Variants in CRCP observed in about 807,000 individuals in gnomAD.
CRCP encodes the protein CGRP receptor component.
CRCP carries 18 observed loss-of-function variants against 18.5 expected under a neutral mutation model. The ratio of observed to expected loss-of-function variants is 0.97; its 90% confidence interval spans 0.67 to 1.44. The LOEUF (loss-of-function observed/expected upper bound fraction) is 1.44. CRCP is among the 40% of genes most tolerant of loss of function. The pLI, the probability that CRCP is intolerant of heterozygous loss-of-function variation, is 0.00. For synonymous variants in CRCP, 53 were observed against 62.9 expected, an observed-to-expected ratio of 0.84 and a Z score of 0.75; for missense variants, 130 against 176.4, an observed-to-expected ratio of 0.74 and a Z score of 1.49.
At chr7:66,119,398 G>A (rs936121473) in intron 1 of CRCP, among the ~76,000 whole-genome samples, 1 of 152,148 alleles carries the variant, frequency 6.6e-6, no homozygotes, top group African/African-American at 2.4e-5. Context: ...TGTTTTGTGA[G>A]CCATTCTAGC....
intron 4 of CRCP, among the ~76,000 whole-genome samples, chr7:66,144,789 TGTTA>T (rs1788244324): frequency 6.6e-6 from 1 of 152,212 alleles, no homozygotes; most frequent in Non-Finnish European, 1.5e-5. Context: ...AAGGTGATTT[TGTTA>T]GTTGGTACTT....
At chr7:66,124,260 T>G (rs1787549805) in intron 1 of CRCP, among the ~76,000 whole-genome samples, 1 of 149,844 alleles carries the variant, frequency 6.7e-6, no homozygotes, top group African/African-American at 2.5e-5. Flanking sequence ...CTTGGGAGGC[T>G]GAGGCAGGAG....
rs1241745706 is a variant in CRCP, at chr7:66,145,453, C to A, written c.250C>A (p.Leu84Ile). Reference sequence around the variant, plus strand: ...ACTTTCCCTCCACAGAGCTGAGAAGCTCCAGCTGCTGAACCACCGGCCTGT... The same window carrying A: ...ACTTTCCCTCCACAGAGCTGAGAAGATCCAGCTGCTGAACCACCGGCCTGT... Reference protein sequence around the residue: ...KSHKLTKAEKLQLLNHRPVTA... With the variant: ...KSHKLTKAEKIQLLNHRPVTA... Residue 84 changes from leucine to isoleucine, a missense_variant, in exon 5 of 6, where the codon CTC (leucine) becomes ATC (isoleucine). By Grantham distance (5) the Leu-to-Ile change is conservative. Transcript: ENST00000395326. 1 of 1,613,950 alleles carries A rather than the reference C, an allele frequency of 6.2e-7. No homozygotes were observed. Among genetic ancestry groups the A allele is most frequent in the Admixed American group, 1.7e-5 (1 of 60,022 alleles).
intron 2 of CRCP, 112 bp downstream of exon 2, chr7:66,127,852 G>T (rs548089669): frequency 1.7e-6 from 2 of 1,179,160 alleles, no homozygotes; most frequent in Non-Finnish European, 2.5e-6. Context: ...AGTGGTTCAC[G>T]CCTGTAATCC....
chr7:66,135,365 A>ATTTTTT (rs1169084643), intron 4 of CRCP, among the ~76,000 whole-genome samples: 2 of 152,252 alleles, frequency 1.3e-5, no homozygotes, highest in Non-Finnish European at 2.9e-5. Context: ...AATATTAGTA[A>ATTTTTT]AATAAGTTAA....
chr7:66,128,351 G>C (rs1787680055), intron 2 of CRCP, among the ~76,000 whole-genome samples: 2 of 152,076 alleles, frequency 1.3e-5, no homozygotes, highest in African/African-American at 4.8e-5. Flanking sequence ...TAGGATAGAA[G>C]CATCTATTTT....
chr7:66,117,036 G>A (rs1050427405), intron 1 of CRCP, among the ~76,000 whole-genome samples: 2 of 150,594 alleles, frequency 1.3e-5, no homozygotes, highest in Admixed American at 6.7e-5. Flanking sequence ...CAGGAGAATC[G>A]CTTGAACTCG....
chr7:66,142,113 G>A (rs1007257988), intron 4 of CRCP, among the ~76,000 whole-genome samples: 7 of 152,166 alleles, frequency 4.6e-5, no homozygotes, highest in South Asian at 4.1e-4. Context: ...CCTCTCAGAC[G>A]GGAACTGAGA....
At chr7:66,148,794 T>C (rs1338781954) in intron 5 of CRCP, among the ~76,000 whole-genome samples, 1 of 152,268 alleles carries the variant, frequency 6.6e-6, no homozygotes, top group Non-Finnish European at 1.5e-5. Context: ...TTATGAAGTC[T>C]TGACTCATAT....
At chr7:66,136,577 T>C (rs1787977907) in intron 4 of CRCP, among the ~76,000 whole-genome samples, 1 of 151,618 alleles carries the variant, frequency 6.6e-6, no homozygotes, top group African/African-American at 2.4e-5. Flanking sequence ...TTGGCCAGGC[T>C]GGTCTTGAAC....
intron 4 of CRCP, among the ~76,000 whole-genome samples, chr7:66,145,232 C>A (rs1490515230): frequency 6.6e-6 from 1 of 152,204 alleles, no homozygotes; most frequent in Non-Finnish European, 1.5e-5. Context: ...TTCCTACAAT[C>A]ATGCCTCTGA....
chr7:66,141,288 T>C (rs1421465050), intron 4 of CRCP, among the ~76,000 whole-genome samples: 1 of 152,244 alleles, frequency 6.6e-6, no homozygotes, highest in Non-Finnish European at 1.5e-5. Flanking sequence ...GTAGTCACCC[T>C]GTTGGACTAT....
intron 4 of CRCP, among the ~76,000 whole-genome samples, chr7:66,137,025 GAGCCGAGATTGCGCCACTGCACTCC>G (rs1787990867): frequency 6.6e-6 from 1 of 151,808 alleles, no homozygotes; most frequent in Non-Finnish European, 1.5e-5. Context: ...AGGTTGCAGT[GAGCCGAGATTGCGCCACTGCACTCC>G]AGCCTGGCGA....
In CRCP at chr7:66,127,741, G is replaced by A. The variant is rs771215550; in HGVS notation, c.45+1G>A. ...TTCTGCGCTTCTCAGTAACTACGAG[G>A]TAAATTGGATTGTTACATTTTCCTC... On this transcript the variant is annotated splice_donor_variant, in intron 2 of 5. Transcript: ENST00000395326. LOFTEE classifies it high-confidence loss of function. 1.9e-6 allele frequency: 3 copies of A among 1,613,894 alleles called. No individual in the cohort carries two copies. In the African/African-American group the frequency reaches 4.0e-5, roughly 22 times the overall value.
intron 1 of CRCP, among the ~76,000 whole-genome samples, chr7:66,126,273 A>G (rs1202366014): frequency 6.7e-6 from 1 of 149,244 alleles, no homozygotes; most frequent in South Asian, 2.2e-4. Flanking sequence ...GAAGTCACCT[A>G]TCTGGCCCAT....
rs1019125996 is a variant in CRCP, at chr7:66,153,649, A to G, written c.*1292A>G. 10 of 151,992 alleles carry G rather than the reference A, an allele frequency of 6.6e-5. No homozygotes were observed. In the East Asian group the frequency reaches 1.5e-3, roughly 23 times the overall value. 9.4% of individuals were successfully genotyped at this position (151,992 alleles called of 1,614,324 possible). On this transcript the variant is annotated 3_prime_UTR_variant, in exon 6 of 6. Transcript: ENST00000395326. Reference sequence around the variant, plus strand: ...TTCCAAATTGGCGCTCTTATTTTCAATGCTAATTGGATTACTTCTCTTCCA... The same window carrying G: ...TTCCAAATTGGCGCTCTTATTTTCAGTGCTAATTGGATTACTTCTCTTCCA...
intron 1 of CRCP, among the ~76,000 whole-genome samples, chr7:66,119,024 A>G (rs757953140): frequency 4.6e-5 from 7 of 152,076 alleles, no homozygotes; most frequent in African/African-American, 9.7e-5. Context: ...TCTCTGACCT[A>G]TCTCGTCTGA....
At chr7:66,117,647 G>C (rs1165043479) in intron 1 of CRCP, among the ~76,000 whole-genome samples, 1 of 152,158 alleles carries the variant, frequency 6.6e-6, no homozygotes, top group Non-Finnish European at 1.5e-5. Flanking sequence ...CTCTTCCCCA[G>C]CCTCCATTCT....
At chr7:66,130,026 A>C (rs1480617516) in intron 2 of CRCP, 2 of 278,334 alleles carry the variant, frequency 7.2e-6, no homozygotes, top group Non-Finnish European at 1.4e-5. Flanking sequence ...CTGTCTTATC[A>C]CTTGCCTCAA....
Sources: gnomAD v4.1 joint callset for allele counts (sites outside exome capture counted in the v4.1 genomes callset) on GRCh38, gnomAD v4.1.1 for gene constraint, MANE v1.5 for transcripts, NCBI Gene and HGNC (gene_info 2026-07-23, HGNC 2026-07-21) for gene names.